COL13A1: variants seen among roughly 807,000 people sequenced by gnomAD.
The protein encoded by COL13A1 is collagen alpha-1(XIII) chain.
A neutral mutation model predicts 130.9 loss-of-function variants in COL13A1; 89 were observed. The observed-to-expected ratio is 0.68, with a 90% CI of 0.57 to 0.81. The LOEUF is 0.81. Among genes scored for constraint, COL13A1 ranks in the 30% least tolerant of loss-of-function variants. The probability of loss-of-function intolerance (pLI) is 0.00; values close to 1 mark genes in which losing one functional copy is unlikely to be tolerated. For synonymous variants in COL13A1, 402 were observed against 341.6 expected, an observed-to-expected ratio of 1.18 and a Z score of -1.95; for missense variants, 879 against 934.6, an observed-to-expected ratio of 0.94 and a Z score of 0.78.
chr10:69,858,631 T>C (rs2395286), intron 2 of COL13A1, among the ~76,000 whole-genome samples: 19,385 of 152,186 alleles, frequency 0.13, 1,314 homozygotes, highest in Middle Eastern at 0.28. Flanking sequence ...CAGTCCTCAC[T>C]GGGGGACTCT....
chr10:69,832,222 T>G (rs1848985625), intron 2 of COL13A1, among the ~76,000 whole-genome samples: 1 of 152,230 alleles, frequency 6.6e-6, no homozygotes, highest in African/African-American at 2.4e-5. Flanking sequence ...TGAAAAATGC[T>G]GGATGTTCTA....
intron 14 of COL13A1, among the ~76,000 whole-genome samples, chr10:69,899,142 AG>A (rs2061947966): frequency 6.6e-6 from 1 of 152,220 alleles, no homozygotes; most frequent in African/African-American, 2.4e-5. Context: ...TCACACAGCC[AG>A]TACATTGCAG....
At chr10:69,957,477 C>T (rs971821150) in intron 40 of COL13A1, among the ~76,000 whole-genome samples, 5 of 152,186 alleles carry the variant, frequency 3.3e-5, no homozygotes, top group African/African-American at 9.7e-5. Context: ...GGGCTGTGCT[C>T]CTCACCACTC....
intron 1 of COL13A1, among the ~76,000 whole-genome samples, chr10:69,810,361 A>AGG (rs1842681672): frequency 7.0e-6 from 1 of 143,816 alleles, no homozygotes; most frequent in East Asian, 2.1e-4. Flanking sequence ...AGAGAGAGAG[A>AGG]GAGAGAGAGA....
chr10:69,941,453 G>C (rs944390504), intron 35 of COL13A1, among the ~76,000 whole-genome samples: 2 of 152,140 alleles, frequency 1.3e-5, no homozygotes, highest in African/African-American at 4.8e-5. Context: ...GTCTTCCCAC[G>C]AGGGCCTCCT....
intron 2 of COL13A1, chr10:69,829,171 A>C (rs950236251): frequency 1.1e-6 from 1 of 930,180 alleles, no homozygotes; most frequent in African/African-American, 1.8e-5. Flanking sequence ...CCCGTCAATC[A>C]CCAAGTCTCA....
chr10:69,916,833 G>T (rs2063978081), intron 17 of COL13A1, among the ~76,000 whole-genome samples: 2 of 152,136 alleles, frequency 1.3e-5, no homozygotes, highest in African/African-American at 4.8e-5. Flanking sequence ...GTCTGGCTCA[G>T]CCAGAAGGTA....
chr10:69,917,329 C>T lies in COL13A1; in HGVS notation c.962C>T (p.Ala321Val), dbSNP rs1201370775. The change falls in exon 18 of 41, where the codon GCC becomes GTC. Residue 321 changes from alanine (A) to valine (V), a missense_variant. Around this residue, in one of 3 missense-constraint regions of COL13A1, gnomAD observed 715 missense variants for 721.0 expected, o/e 0.99. Transcript: ENST00000645393. ...CCAGGGATGCCAGGCAAGCATGGAG[C>T]CAAGGTACCTCCCCCTTCCCCACAT... is the stretch of plus-strand genomic sequence containing the variant. ...GMPGMPGKHG[A>V]KGAPGIAVAG... The T allele has an allele frequency of 1.9e-6, 3 of 1,613,386 alleles. No homozygotes were observed. Among genetic ancestry groups the T allele is most frequent in the East Asian group, 4.5e-5 (2 of 44,852 alleles).
At chr10:69,915,189 A>T (rs2063790734) in intron 17 of COL13A1, among the ~76,000 whole-genome samples, 1 of 152,222 alleles carries the variant, frequency 6.6e-6, no homozygotes, top group African/African-American at 2.4e-5. Flanking sequence ...CCCACATTGG[A>T]AGGGATTGTT....
chr10:69,833,644 C>T (rs555936384), intron 2 of COL13A1, among the ~76,000 whole-genome samples: 3 of 152,134 alleles, frequency 2.0e-5, no homozygotes, highest in Non-Finnish European at 4.4e-5. Context: ...TTGAAGGAAT[C>T]CCTGAATGGC....
At chr10:69,886,847 T>G (rs914949283) in intron 7 of COL13A1, among the ~76,000 whole-genome samples, 4 of 152,222 alleles carry the variant, frequency 2.6e-5, no homozygotes, top group African/African-American at 4.8e-5. Context: ...TTTATTTATG[T>G]TGCACTCTGC....
At chr10:69,943,061 C>T (rs895460889) in intron 35 of COL13A1, among the ~76,000 whole-genome samples, 6 of 152,110 alleles carry the variant, frequency 3.9e-5, no homozygotes, top group East Asian at 1.9e-4. Context: ...TTGGCCAGAC[C>T]GGTCTTGAAC....
rs1042437164 is a variant in COL13A1, at chr10:69,955,778, C to T, written c.2146-1226C>T. ...TGTAAAATGGCATTTTCTTCCATAA[C>T]ATCCCATATCAATGTGTCAATTTTC... On this transcript the variant is annotated intron_variant, in intron 39 of 40. Transcript: ENST00000645393. The T allele has an allele frequency of 5.9e-5, 9 of 152,358 alleles. 1 individual carries two copies. The highest frequency in any genetic ancestry group is 3.9e-4 in the Admixed American group (6 of 15,308). The allele number at this position is 152,358 out of a possible 1,614,324, so 9.4% of individuals were successfully genotyped here. A position where few individuals can be genotyped will look rare whatever the true frequency, so the allele number is the denominator to read the frequency against.
At chr10:69,833,588 C>T (rs543929913) in intron 2 of COL13A1, among the ~76,000 whole-genome samples, 1 of 152,294 alleles carries the variant, frequency 6.6e-6, no homozygotes, top group East Asian at 1.9e-4. Flanking sequence ...GGAGTGACTA[C>T]TCCTGAAGGG....
chr10:69,904,249 C>T (rs2062498523), intron 15 of COL13A1, among the ~76,000 whole-genome samples: 1 of 152,144 alleles, frequency 6.6e-6, no homozygotes, highest in Non-Finnish European at 1.5e-5. Flanking sequence ...GGCTCTCATC[C>T]ACTGAACCCA....
intron 26 of COL13A1, among the ~76,000 whole-genome samples, chr10:69,926,375 GGT>G (rs1180032123): frequency 2.6e-5 from 4 of 152,224 alleles, no homozygotes; most frequent in Non-Finnish European, 4.4e-5. Flanking sequence ...GAATCTTTGT[GGT>G]GGGGGGAGAG....
intron 2 of COL13A1, among the ~76,000 whole-genome samples, chr10:69,826,671 T>C (rs572340830): frequency 3.3e-5 from 5 of 152,114 alleles, no homozygotes; most frequent in Non-Finnish European, 7.3e-5. Context: ...GGAAGGCATA[T>C]TGTTAGGGCA....
chr10:69,937,705 T>A lies in COL13A1; in HGVS notation c.1868T>A (p.Leu623Gln). 1.3e-6 allele frequency: 2 copies of A among 1,533,488 alleles called. No individual in the cohort carries two copies. The highest frequency in any genetic ancestry group is 1.8e-6 in the Non-Finnish European group (2 of 1,106,506). The allele number at this position is 1,533,488 out of a possible 1,614,324, so 95.0% of individuals were successfully genotyped here. Reference protein sequence around the residue: ...FQGEKGDRGPLGLPGASGLDG... With the variant: ...FQGEKGDRGPQGLPGASGLDG... ...GGAGAAAAAGGAGACCGTGGTCCCC[T>A]GGGACTACCCGTAAGTACCTTGGAC... Residue 623 changes from leucine to glutamine, a missense_variant, in exon 34 of 41, where the codon CTG becomes CAG. Coordinates refer to ENST00000645393, the MANE Select transcript of COL13A1 (RefSeq NM_001368882.1).
intron 3 of COL13A1, among the ~76,000 whole-genome samples, chr10:69,870,868 G>C (rs12146229): frequency 1.3e-5 from 2 of 151,652 alleles, no homozygotes; most frequent in East Asian, 2.0e-4. Flanking sequence ...CTTTGGCAAG[G>C]GTCGGGCTGC....
Sources: gnomAD v4.1 joint callset for allele counts (sites outside exome capture counted in the v4.1 genomes callset) on GRCh38, gnomAD v4.1.1 for gene constraint, gnomAD v4.1.1 regional missense constraint, MANE v1.5 for transcripts, NCBI Gene and HGNC (gene_info 2026-07-23, HGNC 2026-07-21) for gene names.